Variants in NARS2 observed in about 807,000 individuals in gnomAD.
NARS2 encodes asparaginyl-tRNA synthetase.
A neutral mutation model predicts 62.9 loss-of-function variants in NARS2; 60 were observed. The ratio of observed to expected loss-of-function variants is 0.95; its 90% CI spans 0.77 to 1.18. The LOEUF (loss-of-function observed/expected upper bound fraction) is 1.18. Ranked by LOEUF, NARS2 falls within the 50% of genes most tolerant of loss-of-function variation. The pLI is 0.00. For missense variants in NARS2, 619 were observed against 576.4 expected (o/e 1.07, Z -0.76); for synonymous variants, 196 against 200.0 (o/e 0.98, Z 0.17).
chr11:78,474,853 T>C (rs374995798), intron 9 of NARS2, among the ~76,000 whole-genome samples: 1 of 152,234 alleles, frequency 6.6e-6, no homozygotes, highest in Non-Finnish European at 1.5e-5. Context: ...TTTGGTATTA[T>C]ACACTGTGGG....
intron 11 of NARS2, among the ~76,000 whole-genome samples, chr11:78,465,484 C>G (rs1858583039): frequency 6.6e-6 from 1 of 152,272 alleles, no homozygotes; most frequent in East Asian, 1.9e-4. Flanking sequence ...CTGCTCTCAT[C>G]TCTTGCCCAG....
At chr11:78,557,280 G>A (rs921692782) in intron 5 of NARS2, among the ~76,000 whole-genome samples, 1 of 152,066 alleles carries the variant, frequency 6.6e-6, no homozygotes, top group South Asian at 2.1e-4. Flanking sequence ...GCACCATTAC[G>A]AGAAGCAAGA....
rs929253420 is a variant in NARS2 at position 78,566,239 on chromosome 11, G to C, written c.406C>G (p.Leu136Val). 1 of 1,608,238 alleles carries C rather than the reference G, an allele frequency of 6.2e-7. No individual in the cohort carries two copies. Among genetic ancestry groups the C allele is most frequent in the Non-Finnish European group, 8.5e-7 (1 of 1,176,638 alleles). ...TGAGGATATTGTCGCAGATACTCCAGAGGATGCCTCTCTTTATATTTGATG... is the reference window on the plus strand; with the variant it reads ...TGAGGATATTGTCGCAGATACTCCACAGGATGCCTCTCTTTATATTTGATG... The part of the protein sequence containing the change: ...FPIKYKERHP[L>V]EYLRQYPHFR... Residue 136 changes from leucine (L) to valine (V), a missense_variant, in exon 4 of 14, where the codon CTG becomes GTG. Coordinates refer to ENST00000281038, the MANE Select transcript of NARS2 (RefSeq NM_024678.6).
intron 7 of NARS2, 31 bp from the exon 8 acceptor site, chr11:78,478,714 C>G (rs375372797): frequency 8.4e-6 from 12 of 1,424,132 alleles, no homozygotes. Flanking sequence ...TCACCTGACA[C>G]GTAAGCAATT....
At chr11:78,562,396 C>A (rs1490271944) in intron 4 of NARS2, among the ~76,000 whole-genome samples, 1 of 152,188 alleles carries the variant, frequency 6.6e-6, no homozygotes, top group Admixed American at 6.5e-5. Flanking sequence ...CACCACTGCA[C>A]TCCAGCCCGG....
intron 10 of NARS2, among the ~76,000 whole-genome samples, chr11:78,468,995 A>T (rs1391029616): frequency 6.6e-6 from 1 of 151,388 alleles, no homozygotes; most frequent in African/African-American, 2.4e-5. Context: ...AACGTGGGAG[A>T]CTCCTTTATA....
intron 7 of NARS2, among the ~76,000 whole-genome samples, chr11:78,492,552 C>T (rs1859870997): frequency 6.6e-6 from 1 of 152,160 alleles, no homozygotes; most frequent in Admixed American, 6.5e-5. Flanking sequence ...ATCTCTCCAG[C>T]CTTGTCCCCT....
chr11:78,549,235 A>T (rs1014459396), intron 5 of NARS2, among the ~76,000 whole-genome samples: 5 of 152,186 alleles, frequency 3.3e-5, no homozygotes, highest in African/African-American at 4.8e-5. Context: ...GCCAGGAGAG[A>T]CAAGCCAAGA....
At chr11:78,465,837 A>G in intron 11 of NARS2, 39 bp downstream of exon 11, 2 of 1,610,278 alleles carry the variant, frequency 1.2e-6, no homozygotes, top group East Asian at 2.2e-5. Context: ...AACCCAACCT[A>G]AGAGGACTAA....
chr11:78,462,856 C>T (rs114693551), intron 11 of NARS2, among the ~76,000 whole-genome samples: 2,449 of 152,246 alleles, frequency 0.016, 56 homozygotes, highest in African/African-American at 0.056. Flanking sequence ...ATTCTGTTTA[C>T]TAGTGGGCCC....
chr11:78,524,986 T>C (rs564222598), intron 6 of NARS2, among the ~76,000 whole-genome samples: 3 of 152,210 alleles, frequency 2.0e-5, no homozygotes, highest in East Asian at 3.9e-4. Context: ...TATCCAGCCA[T>C]GAAAAGTCCT....
At chr11:78,572,409 T>C (rs4945302) in intron 1 of NARS2, among the ~76,000 whole-genome samples, 108,307 of 151,978 alleles carry the variant, frequency 0.71, 39,180 homozygotes, top group Non-Finnish European at 0.79. Context: ...GTCCAGGACA[T>C]AGTCACCGAT....
intron 9 of NARS2, among the ~76,000 whole-genome samples, chr11:78,471,520 C>CTT (rs139839568): frequency 2.6e-5 from 4 of 151,210 alleles, no homozygotes; most frequent in African/African-American, 7.3e-5. Context: ...ATTGAACTAT[C>CTT]TTTTTTTTTC....
Position 78,484,306 on chromosome 11 carries a change from A to G in NARS2, c.823-5623T>C, listed in dbSNP as rs182611227. 2.4e-3 allele frequency among the ~76,000 whole-genome samples: 362 copies of G among 152,316 alleles called. 2 individuals are homozygous for G. Among genetic ancestry groups the G allele is most frequent in the Non-Finnish European group, 3.9e-3 (267 of 68,026 alleles). On this transcript the variant is annotated intron_variant, in intron 7 of 13. Coordinates refer to ENST00000281038, the MANE Select transcript of NARS2 (RefSeq NM_024678.6). ...AAAACCCTAGAAAAAAACGTAGGCA[A>G]TACCATTCAGGACACAGGCATAGGC... is the stretch of plus-strand genomic sequence containing the variant.
intron 6 of NARS2, among the ~76,000 whole-genome samples, chr11:78,509,486 G>A (rs1323836113): frequency 6.6e-6 from 1 of 151,958 alleles, no homozygotes; most frequent in Non-Finnish European, 1.5e-5. Flanking sequence ...TGCCTCAGGT[G>A]TATATAACTG....
intron 9 of NARS2, among the ~76,000 whole-genome samples, chr11:78,472,440 C>A (rs1434512211): frequency 6.6e-6 from 1 of 152,156 alleles, no homozygotes; most frequent in Non-Finnish European, 1.5e-5. Flanking sequence ...CTCAAATTCA[C>A]ACACAAAGAT....
chr11:78,482,308 T>C (rs888067715), intron 7 of NARS2, among the ~76,000 whole-genome samples: 4 of 151,960 alleles, frequency 2.6e-5, no homozygotes, highest in African/African-American at 9.7e-5. Context: ...AGATCTCAAA[T>C]TGACACCCTA....
intron 1 of NARS2, among the ~76,000 whole-genome samples, chr11:78,572,213 C>T (rs1268199028): frequency 6.6e-6 from 1 of 152,076 alleles, no homozygotes; most frequent in East Asian, 1.9e-4. Context: ...AACTAATTTC[C>T]AAACGACTAC....
At chr11:78,468,468 G>C (rs1858726429) in intron 10 of NARS2, among the ~76,000 whole-genome samples, 1 of 148,330 alleles carries the variant, frequency 6.7e-6, no homozygotes, top group Non-Finnish European at 1.5e-5. Flanking sequence ...ATGCAGTGGT[G>C]ATCTCTGCTC....
Sources: gnomAD v4.1 joint callset for allele counts (sites outside exome capture counted in the v4.1 genomes callset) on GRCh38, gnomAD v4.1.1 for gene constraint, MANE v1.5 for transcripts, NCBI Gene and HGNC (gene_info 2026-07-23, HGNC 2026-07-21) for gene names.